The following THSD7B variants were observed in gnomAD, a reference collection of about 807,000 sequenced individuals.
The protein encoded by THSD7B is thrombospondin type-1 domain-containing protein 7B.
Under a neutral mutation model 213.6 loss-of-function variants are expected in THSD7B, and 138 were observed. The observed-to-expected ratio is 0.65, with a 90% CI of 0.56 to 0.74. The LOEUF (loss-of-function observed/expected upper bound fraction) is 0.74. Among genes scored for constraint, THSD7B ranks in the 30% least tolerant of loss-of-function variants. The pLI is 0.00. For synonymous variants in THSD7B, 742 were observed against 687.0 expected (o/e 1.08, Z -1.25); for missense variants, 1,931 against 1,991.5 (o/e 0.97, Z 0.58).
At chr2:137,512,979 GATA>G (rs751193595) in intron 15 of THSD7B, among the ~76,000 whole-genome samples, 7 of 152,048 alleles carry the variant, frequency 4.6e-5, no homozygotes, top group African/African-American at 9.7e-5. Context: ...GCAAACCTAA[GATA>G]ATATCAAAAG....
At chr2:137,174,004 G>C (rs926727140) in intron 7 of THSD7B, among the ~76,000 whole-genome samples, 6 of 152,002 alleles carry the variant, frequency 3.9e-5, no homozygotes, top group Non-Finnish European at 8.8e-5. Flanking sequence ...TTTATTAATT[G>C]CTTCATAGAC....
intron 7 of THSD7B, among the ~76,000 whole-genome samples, chr2:137,230,382 G>A (rs890177469): frequency 2.6e-5 from 4 of 152,120 alleles, no homozygotes; most frequent in African/African-American, 9.7e-5. Context: ...GTGTGTTTGT[G>A]CCATATTTTT....
chr2:137,121,534 T>G (rs532941805), intron 5 of THSD7B, among the ~76,000 whole-genome samples: 4 of 152,192 alleles, frequency 2.6e-5, no homozygotes, highest in Non-Finnish European at 5.9e-5. Flanking sequence ...ATGAATGACC[T>G]AGAACTAGAT....
At chr2:137,671,251 A>ATTTT (rs1558878846) in intron 27 of THSD7B, among the ~76,000 whole-genome samples, 1 of 56,432 alleles carries the variant, frequency 1.8e-5, no homozygotes, top group Non-Finnish European at 4.3e-5. Context: ...TTTTTTTAAA[A>ATTTT]AAAAAAAAAA....
At chr2:137,412,715 T>C (rs12987215) in intron 14 of THSD7B, among the ~76,000 whole-genome samples, 84,858 of 150,880 alleles carry the variant, frequency 0.56, 27,075 homozygotes, top group East Asian at 0.77. Context: ...GAGAGTTTTG[T>C]CAGATGTTAA....
intron 12 of THSD7B, among the ~76,000 whole-genome samples, chr2:137,376,603 A>G (rs1165339593): frequency 6.6e-6 from 1 of 152,224 alleles, no homozygotes; most frequent in African/African-American, 2.4e-5. Context: ...GTGAATTAGC[A>G]TATTTATTCT....
chr2:137,551,854 C>T (rs983235786), intron 15 of THSD7B, among the ~76,000 whole-genome samples: 6 of 151,884 alleles, frequency 4.0e-5, no homozygotes, highest in Non-Finnish European at 8.8e-5. Context: ...TAGCCTGGGC[C>T]TGGGGCTTGA....
At position 137,664,265 on chromosome 2, in the gene THSD7B, GA is replaced by G. The variant is rs538012957; in HGVS notation, c.4651+693del. ...GGAATAGAACCTCAAGAACTTATAA[GA>G]AATGTCCAGAGATCCTATTTGCTTC... On this transcript the variant is annotated intron_variant, in intron 26 of 27. Transcript: ENST00000409968. Among the ~76,000 whole-genome samples the G allele has an allele frequency of 3.7e-3, 568 of 152,282 alleles. 4 individuals are homozygous for G. The highest frequency in any genetic ancestry group is 0.013 in the African/African-American group (547 of 41,558).
chr2:137,023,221 G>A (rs1016386696), intron 2 of THSD7B, among the ~76,000 whole-genome samples: 3 of 152,188 alleles, frequency 2.0e-5, no homozygotes, highest in African/African-American at 7.2e-5. Flanking sequence ...TAGACTTGGA[G>A]GGACAATGAG....
intron 2 of THSD7B, among the ~76,000 whole-genome samples, chr2:136,946,452 A>G (rs1684939539): frequency 6.6e-6 from 1 of 152,130 alleles, no homozygotes; most frequent in South Asian, 2.1e-4. Context: ...GACCCACTTG[A>G]GGAGGCGGTC....
chr2:137,025,129 T>G (rs1027519647), intron 2 of THSD7B, among the ~76,000 whole-genome samples: 5 of 152,188 alleles, frequency 3.3e-5, no homozygotes, highest in Admixed American at 6.6e-5. Flanking sequence ...GTCTACCCAG[T>G]CTTTTCATGA....
At chr2:137,619,170 A>T (rs1448923) in intron 19 of THSD7B, among the ~76,000 whole-genome samples, 2,986 of 152,346 alleles carry the variant, frequency 0.02, 44 homozygotes, top group Middle Eastern at 0.071. Flanking sequence ...GCAGTTTAGT[A>T]GAAGTAAAGA....
rs571729337 is a variant in THSD7B at position 136,944,691 on chromosome 2, A to G, written c.139+62374A>G. On this transcript the variant is annotated intron_variant, in intron 2 of 27. Transcript: ENST00000409968. ...GTTGGTTTAAAGTCTGTTTTATCAT[A>G]AACTAGGATTGCAACCCCTGCTTTT... Among the ~76,000 whole-genome samples the G allele has an allele frequency of 4.1e-4, 61 of 147,740 alleles. 1 individual carries two copies. In the South Asian group the frequency reaches 0.013, roughly 32 times the overall value.
chr2:137,243,341 T>C (rs1340191131), intron 10 of THSD7B, among the ~76,000 whole-genome samples: 1 of 152,198 alleles, frequency 6.6e-6, no homozygotes, highest in Non-Finnish European at 1.5e-5. Flanking sequence ...ACACTAGCCT[T>C]GGCCCTTTGG....
chr2:137,575,412 AT>A (rs1254337427), intron 17 of THSD7B, among the ~76,000 whole-genome samples: 28 of 152,062 alleles, frequency 1.8e-4, no homozygotes, highest in African/African-American at 6.0e-4. Context: ...TAGAAATAAA[AT>A]GTCACCTCCA....
At chr2:137,166,870 T>C (rs1680142100) in intron 6 of THSD7B, among the ~76,000 whole-genome samples, 1 of 152,080 alleles carries the variant, frequency 6.6e-6, no homozygotes, top group South Asian at 2.1e-4. Flanking sequence ...TTGGGGTGGG[T>C]GGGGCGTTCT....
chr2:137,273,540 GT>G (rs764109068), intron 11 of THSD7B, among the ~76,000 whole-genome samples: 2 of 152,130 alleles, frequency 1.3e-5, no homozygotes, highest in South Asian at 2.1e-4. Flanking sequence ...TAGCAAAAAT[GT>G]CCCGTGTTTC....
intron 20 of THSD7B, among the ~76,000 whole-genome samples, chr2:137,635,258 T>C (rs1321290943): frequency 6.6e-6 from 1 of 152,226 alleles, no homozygotes; most frequent in East Asian, 1.9e-4. Flanking sequence ...TTCATCTCAA[T>C]GGGCATTGCT....
At chr2:137,346,557 T>C (rs1048358288) in intron 12 of THSD7B, among the ~76,000 whole-genome samples, 1 of 151,644 alleles carries the variant, frequency 6.6e-6, no homozygotes, top group African/African-American at 2.4e-5. Flanking sequence ...CATTGACTCT[T>C]ATACCAATTA....
Sources: allele counts gnomAD v4.1 joint callset (sites outside exome capture counted in the v4.1 genomes callset), GRCh38; gene constraint gnomAD v4.1.1; transcripts MANE v1.5; gene names NCBI Gene and HGNC (gene_info 2026-07-23, HGNC 2026-07-21).